TCF20: variants seen among roughly 807,000 people sequenced by gnomAD.
TCF20 encodes transcription factor 20, also known as SPRE-binding protein.
TCF20 carries 3 observed loss-of-function variants against 148.6 expected under a neutral mutation model. That is an observed-to-expected ratio of 0.02 (90% CI 0.01 to 0.05). TCF20 has a LOEUF of 0.05. TCF20 is among the 10% of genes least tolerant of loss of function. The pLI is 1.00. For missense variants in TCF20, 2,350 were observed against 2,429.3 expected (o/e 0.97, Z 0.69); for synonymous variants, 1,049 against 909.5 (o/e 1.15, Z -2.76).
chr22:42,300,758 C>A (rs1927322912), intron 1 of TCF20, among the ~76,000 whole-genome samples: 1 of 152,118 alleles, frequency 6.6e-6, no homozygotes. Context: ...ACCCTGATGA[C>A]TAACCCAGGC....
chr22:42,216,850 A>T (rs1569157170), intron 1 of TCF20, among the ~76,000 whole-genome samples: 1 of 152,056 alleles, frequency 6.6e-6, no homozygotes, highest in Admixed American at 6.6e-5. Flanking sequence ...AATCAAGCTG[A>T]TTTTTTCCCC....
chr22:42,290,369 TCCCA>T lies in TCF20; in HGVS notation c.-37+53106_-37+53109del, dbSNP rs1373605852. Among the ~76,000 whole-genome samples the T allele has an allele frequency of 6.6e-6, 1 of 152,196 alleles. No individual in the cohort carries two copies. The highest frequency in any genetic ancestry group is 1.5e-5 in the Non-Finnish European group (1 of 68,036). On this transcript the variant is annotated intron_variant, in intron 1 of 1. Transcript: ENST00000515426. This position sits in a 1 kb window ranked among gnomAD's most constrained non-coding sequence, Gnocchi z 4.2. The stretch of plus-strand genomic sequence containing the variant: ...GAACTGGCAGCCAGGGGCTAGCTAA[TCCCA>T]GCCAAAACACACGGAATGAGAATCG...
upstream of TCF20, among the ~76,000 whole-genome samples, chr22:42,270,747 CG>C (rs1178007370): frequency 1.1e-4 from 12 of 112,984 alleles, no homozygotes; most frequent in African/African-American, 3.9e-4. Context: ...GGGCGCGCGG[CG>C]GGGGCGGGGC....
chr22:42,211,496 T>A lies in TCF20; in HGVS notation c.3810A>T (p.Ser1270=). Residue 1270 remains serine (S), a synonymous_variant, in exon 2 of 6, where the codon TCA becomes TCT. Transcript: ENST00000677622. ...FISPIPSKRQ[S]QDVKNSSTED... is the part of the protein sequence containing the mutation. ...CAGTGCTACTGTTCTTTACATCTTGTGACTGTCTCTTACTGGGAATGGGAG... is the reference window on the plus strand; with the variant it reads ...CAGTGCTACTGTTCTTTACATCTTGAGACTGTCTCTTACTGGGAATGGGAG... 6.2e-7 allele frequency: 1 copy of A among 1,614,204 alleles called. No individual in the cohort carries two copies. The highest frequency in any genetic ancestry group is 1.1e-5 in the South Asian group (1 of 91,086).
Position 42,317,341 on chromosome 22 carries a change from G to C in TCF20, c.-37+26138C>G, listed in dbSNP as rs1927649733. Among the ~76,000 whole-genome samples the C allele has an allele frequency of 6.6e-6, 1 of 152,190 alleles. No individual in the cohort carries two copies. The highest frequency in any genetic ancestry group is 2.4e-5 in the African/African-American group (1 of 41,436). On this transcript the variant is annotated intron_variant, in intron 1 of 1. Transcript: ENST00000515426. The surrounding 1 kb of genome is among the most constrained non-coding windows in gnomAD (Gnocchi z 4.2). Reference sequence around the variant, plus strand: ...CACCTCGCCCAGAAATTTACTGCAAGTTCTCAAGTCTCCCTAGAGTGCGTG... The same window carrying C: ...CACCTCGCCCAGAAATTTACTGCAACTTCTCAAGTCTCCCTAGAGTGCGTG...
intron 1 of TCF20, among the ~76,000 whole-genome samples, chr22:42,342,751 G>A (rs144913529): frequency 1.3e-4 from 20 of 152,282 alleles, no homozygotes; most frequent in African/African-American, 4.8e-4. Flanking sequence ...CAGCTGAATG[G>A]ATGACCCTCC....
At chr22:42,326,217 C>A (rs971593339) in intron 1 of TCF20, among the ~76,000 whole-genome samples, 14 of 152,132 alleles carry the variant, frequency 9.2e-5, no homozygotes, top group Non-Finnish European at 1.5e-5. Context: ...GCGGGACCAC[C>A]CCTGCTCCCA....
At chr22:42,259,440 G>T (rs1827174861) in intron 1 of TCF20, among the ~76,000 whole-genome samples, 1 of 152,088 alleles carries the variant, frequency 6.6e-6, no homozygotes. Flanking sequence ...TCCTAGGCTG[G>T]AATTATGATA....
chr22:42,273,321 TTG>T (rs1367682412), upstream of TCF20, among the ~76,000 whole-genome samples: 1 of 134,824 alleles, frequency 7.4e-6, no homozygotes, highest in Non-Finnish European at 1.5e-5. Context: ...GATTGTGCTG[TTG>T]CACTCCAGCC....
At chr22:42,332,882 G>A (rs1928001322) in intron 1 of TCF20, among the ~76,000 whole-genome samples, 1 of 152,224 alleles carries the variant, frequency 6.6e-6, no homozygotes, top group Non-Finnish European at 1.5e-5. Flanking sequence ...AGCCTCTACT[G>A]TCAGATGCCA....
rs778909624 is a variant in TCF20 at position 42,290,047 on chromosome 22, G to A, written c.-37+53432C>T. On this transcript the variant is annotated intron_variant, in intron 1 of 1. Transcript: ENST00000515426. The surrounding 1 kb of genome is among the most constrained non-coding windows in gnomAD (Gnocchi z 4.2). ...GTTCCAGGAATATTAATTCTCCACA[G>A]CCGGCTCACTCCCGCCGCACGCATG... 1.3e-5 allele frequency among the ~76,000 whole-genome samples: 2 copies of A among 152,244 alleles called. No homozygotes were observed. Among genetic ancestry groups the A allele is most frequent in the Non-Finnish European group, 2.9e-5 (2 of 68,046 alleles).
At position 42,279,727 on chromosome 22, in the gene TCF20, C is replaced by T. The variant is rs936397032; in HGVS notation, c.-37+4100G>A. On this transcript the variant is annotated intron_variant, in intron 1 of 5. Coordinates refer to the TCF20 transcript ENST00000359486. This position sits in a 1 kb window ranked among gnomAD's most constrained non-coding sequence, Gnocchi z 4.3. ...CAGGCTCAGGGAGGTGTGGTGCCTA[C>T]AGTCACCCAGCAGACACAGCGGAGC... 3.9e-5 allele frequency among the ~76,000 whole-genome samples: 6 copies of T among 152,226 alleles called. No homozygotes were observed. Among genetic ancestry groups the T allele is most frequent in the Non-Finnish European group, 7.3e-5 (5 of 68,034 alleles).
At chr22:42,209,183 C>T (rs560015994) in intron 2 of TCF20, among the ~76,000 whole-genome samples, 2 of 152,268 alleles carry the variant, frequency 1.3e-5, no homozygotes, top group Admixed American at 1.3e-4. Flanking sequence ...AACATTTTTA[C>T]ACTCCCACAC....
At chr22:42,309,626 C>T (rs1927497252) in intron 1 of TCF20, among the ~76,000 whole-genome samples, 1 of 151,128 alleles carries the variant, frequency 6.6e-6, no homozygotes, top group Non-Finnish European at 1.5e-5. Flanking sequence ...CACCTCTGCC[C>T]ACACTGTCCC....
upstream of TCF20, among the ~76,000 whole-genome samples, chr22:42,273,290 G>A (rs1247276246): frequency 1.5e-5 from 2 of 136,248 alleles, no homozygotes; most frequent in Admixed American, 1.8e-4. Flanking sequence ...AACCCTGGAG[G>A]CAAAGGTTGC....
rs947199481 is a variant in TCF20 at position 42,175,243 on chromosome 22, C to G, written c.5749+4366G>C. On this transcript the variant is annotated intron_variant, in intron 3 of 5. Transcript: ENST00000677622. ...ACCTGTTCTTGCTATGTTATCCAGGCTGAACTTGAACTCCTGGCCTCAAGT... is the reference window on the plus strand; with the variant it reads ...ACCTGTTCTTGCTATGTTATCCAGGGTGAACTTGAACTCCTGGCCTCAAGT... 3.3e-5 allele frequency among the ~76,000 whole-genome samples: 5 copies of G among 152,146 alleles called. 1 individual carries two copies. Among genetic ancestry groups the G allele is most frequent in the Non-Finnish European group, 7.3e-5 (5 of 68,030 alleles).
At chr22:42,247,516 T>C (rs1925022971) in intron 1 of TCF20, among the ~76,000 whole-genome samples, 1 of 151,442 alleles carries the variant, frequency 6.6e-6, no homozygotes, top group East Asian at 1.9e-4. Flanking sequence ...AAGGCACCTC[T>C]GGGGACACCG....
In TCF20 at chr22:42,164,752, A is replaced by C. The variant is rs190574325; in HGVS notation, c.*45-3394T>G. On this transcript the variant is annotated intron_variant, in intron 5 of 5. Coordinates refer to ENST00000677622, the MANE Select transcript of TCF20 (RefSeq NM_001378418.1). ...AATGGAGACAAGGATTTAGAAAGGG[A>C]AAGGCTTCTCTGAGGAAGTAGGATT... Among the ~76,000 whole-genome samples, 502 of 152,336 alleles carry C rather than the reference A, an allele frequency of 3.3e-3. 4 individuals are homozygous for C. The highest frequency in any genetic ancestry group is 0.012 in the African/African-American group (488 of 41,562).
intron 1 of TCF20, among the ~76,000 whole-genome samples, chr22:42,247,664 G>A (rs1358875953): frequency 6.6e-6 from 1 of 152,082 alleles, no homozygotes; most frequent in Admixed American, 6.6e-5. Flanking sequence ...GATACGACAA[G>A]AGCTACCTTT....
Sources: gnomAD v4.1 joint callset for allele counts (sites outside exome capture counted in the v4.1 genomes callset) on GRCh38, gnomAD v4.1.1 for gene constraint, Gnocchi (gnomAD v3.1) non-coding constraint, MANE v1.5 for transcripts, NCBI Gene and HGNC (gene_info 2026-07-23, HGNC 2026-07-21) for gene names.